The following ALK variants were observed in gnomAD, a reference collection of about 807,000 sequenced individuals.
The protein encoded by ALK is ALK receptor tyrosine kinase, also known as ALK tyrosine kinase receptor.
ALK carries 74 observed loss-of-function variants against 163.1 expected under a neutral mutation model. The observed-to-expected ratio is 0.45, with a 90% confidence interval of 0.38 to 0.55. The LOEUF (loss-of-function observed/expected upper bound fraction) is 0.55, where lower values mean the gene tolerates loss of function less well. ALK is among the 20% of genes least tolerant of loss of function. ALK has a pLI of 0.00. For synonymous variants in ALK, 960 were observed against 843.2 expected (o/e 1.14, Z -2.40); for missense variants, 2,063 against 2,105.3 (o/e 0.98, Z 0.39).
At chr2:29,854,616 C>T (rs779177642) in intron 1 of ALK, among the ~76,000 whole-genome samples, 3 of 152,170 alleles carry the variant, frequency 2.0e-5, no homozygotes, top group Admixed American at 1.3e-4. Flanking sequence ...TTTGCAGCAA[C>T]ACAAAATGCA....
At chr2:29,896,924 C>T (rs1667287407) in intron 1 of ALK, among the ~76,000 whole-genome samples, 1 of 152,216 alleles carries the variant, frequency 6.6e-6, no homozygotes, top group South Asian at 2.1e-4. Context: ...ACACAGGTTA[C>T]CTCTAGTGAA....
chr2:29,627,629 T>G lies in ALK; in HGVS notation c.952+67221A>C, dbSNP rs995971899. Among the ~76,000 whole-genome samples the G allele has an allele frequency of 3.9e-5, 6 of 152,300 alleles. No homozygotes were observed. The South Asian group carries it at 8.3e-4, about 21-fold the overall frequency. On this transcript the variant is annotated intron_variant, in intron 3 of 28. Transcript: ENST00000389048. The stretch of plus-strand genomic sequence containing the variant: ...ATGAGGAGGCGTGAGTCATGTCTTG[T>G]TTGTTACAACAGGAAGATGTCCCAG...
chr2:29,756,532 T>TA (rs1680536844), intron 1 of ALK, among the ~76,000 whole-genome samples: 2 of 147,778 alleles, frequency 1.4e-5, no homozygotes, highest in Non-Finnish European at 3.0e-5. Flanking sequence ...CTCATTGATT[T>TA]TTTTTTTTTT....
chr2:29,669,049 G>T (rs911171639), intron 3 of ALK, among the ~76,000 whole-genome samples: 3 of 151,898 alleles, frequency 2.0e-5, no homozygotes, highest in African/African-American at 7.3e-5. Context: ...GATTTTGGTG[G>T]GGACACAGCC....
chr2:29,429,255 G>A (rs1670216450), intron 4 of ALK, among the ~76,000 whole-genome samples: 1 of 151,856 alleles, frequency 6.6e-6, no homozygotes, highest in Admixed American at 6.6e-5. Flanking sequence ...TCTAGCCAGG[G>A]AAATTAGGCA....
chr2:29,275,298 T>C, intron 10 of ALK, 71 bp from the exon 11 acceptor site: 1 of 1,611,702 alleles, frequency 6.2e-7, no homozygotes, highest in Non-Finnish European at 8.5e-7. Context: ...GATTTCACAC[T>C]GAGGGAGGTG....
chr2:29,435,664 C>T (rs1423791411), intron 4 of ALK, among the ~76,000 whole-genome samples: 2 of 150,898 alleles, frequency 1.3e-5, no homozygotes, highest in Admixed American at 1.3e-4. Flanking sequence ...GATTTGAATA[C>T]AGGTATGTTT....
At chr2:29,409,418 G>C (rs1669673776) in intron 4 of ALK, among the ~76,000 whole-genome samples, 2 of 152,052 alleles carry the variant, frequency 1.3e-5, no homozygotes, top group South Asian at 4.1e-4. Context: ...TCCTGCTCTG[G>C]TCAGGCTCAC....
At chr2:29,570,170 G>A (rs1342519620) in intron 3 of ALK, among the ~76,000 whole-genome samples, 1 of 152,182 alleles carries the variant, frequency 6.6e-6, no homozygotes, top group Non-Finnish European at 1.5e-5. Flanking sequence ...GCTAAGAGCT[G>A]CACAATTAAA....
chr2:29,486,105 T>TA (rs1671770861), intron 4 of ALK, among the ~76,000 whole-genome samples: 1 of 152,216 alleles, frequency 6.6e-6, no homozygotes, highest in African/African-American at 2.4e-5. Context: ...ACGGTGTCTA[T>TA]TGTTCAGGAC....
intron 1 of ALK, among the ~76,000 whole-genome samples, chr2:29,802,543 GGAGGGGAGGGGAGGA>G (rs1323218969): frequency 3.9e-5 from 1 of 25,882 alleles, no homozygotes; most frequent in African/African-American, 1.3e-4. Flanking sequence ...GGAGAGGAGG[GGAGGGGAGGGGAGGA>G]GAGGGGAGGG....
At chr2:29,842,923 A>T (rs980874251) in intron 1 of ALK, among the ~76,000 whole-genome samples, 1 of 152,214 alleles carries the variant, frequency 6.6e-6, no homozygotes, top group African/African-American at 2.4e-5. Context: ...GGATACTGAA[A>T]GGAAGTGGAG....
chr2:29,772,461 A>C (rs569721407), intron 1 of ALK, among the ~76,000 whole-genome samples: 16 of 152,224 alleles, frequency 1.1e-4, no homozygotes, highest in Non-Finnish European at 1.9e-4. Context: ...AATTAAAGGC[A>C]TGTCTTGGCA....
intron 9 of ALK, among the ~76,000 whole-genome samples, chr2:29,277,667 C>G (rs1665582859): frequency 6.6e-6 from 1 of 152,220 alleles, no homozygotes; most frequent in Admixed American, 6.5e-5. Flanking sequence ...TACCCTCAGT[C>G]AGGATAGTGT....
chr2:29,626,624 A>G (rs577427520), intron 3 of ALK, among the ~76,000 whole-genome samples: 1 of 152,308 alleles, frequency 6.6e-6, no homozygotes, highest in Admixed American at 6.5e-5. Flanking sequence ...AATAAGAGGA[A>G]GTGATCAGAA....
chr2:29,231,183 C>CA (rs1181130426), intron 15 of ALK, among the ~76,000 whole-genome samples: 1 of 151,926 alleles, frequency 6.6e-6, no homozygotes, highest in East Asian at 1.9e-4. Context: ...ACTAAAAATA[C>CA]AAAAATTAGC....
chr2:29,652,665 A>G (rs1009557225), intron 3 of ALK, among the ~76,000 whole-genome samples: 4 of 152,126 alleles, frequency 2.6e-5, no homozygotes, highest in Admixed American at 1.3e-4. Flanking sequence ...AAAGTGGCTG[A>G]AGGTTAAGTT....
intron 9 of ALK, among the ~76,000 whole-genome samples, chr2:29,292,634 T>C (rs886442250): frequency 6.6e-6 from 1 of 152,216 alleles, no homozygotes; most frequent in Non-Finnish European, 1.5e-5. Flanking sequence ...GTGTTGTCCT[T>C]CAAAATTACC....
rs777351909 is a variant in ALK at position 29,920,425 on chromosome 2, C to T, written c.235G>A (p.Glu79Lys). ...RDLLLPPSSS[E>K]LKAGRPEARG... ...GCCTCGGGCCTGCCAGCCTTCAGCT[C>T]CGAGGAGGATGGTGGCAGCAGTAGG... The change falls in exon 1 of 29, where the codon GAG becomes AAG. Residue 79 changes from glutamate to lysine, a missense_variant. Glu to Lys is a moderately conservative substitution (Grantham distance 56). This residue lies in a region of ALK where 987 missense variants were observed against 939.5 expected (regional missense o/e 1.05). Coordinates refer to ENST00000389048, the MANE Select transcript of ALK (RefSeq NM_004304.5). 1 of 1,602,262 alleles carries T rather than the reference C, an allele frequency of 6.2e-7. No individual in the cohort carries two copies. Among genetic ancestry groups the T allele is most frequent in the South Asian group, 1.1e-5 (1 of 89,002 alleles).
Sources: gnomAD v4.1 joint callset for allele counts (sites outside exome capture counted in the v4.1 genomes callset) on GRCh38, gnomAD v4.1.1 for gene constraint, gnomAD v4.1.1 regional missense constraint, MANE v1.5 for transcripts, NCBI Gene and HGNC (gene_info 2026-07-23, HGNC 2026-07-21) for gene names.